The following GPHN variants were observed in gnomAD, a reference collection of about 807,000 sequenced individuals.
GPHN encodes the protein gephyrin.
Under a neutral mutation model 95.5 loss-of-function variants are expected in GPHN, and 17 were observed. That is an observed-to-expected ratio of 0.18 (90% CI 0.12 to 0.27). The LOEUF (loss-of-function observed/expected upper bound fraction) is 0.27. GPHN is among the 10% of genes least tolerant of loss of function. The probability of loss-of-function intolerance (pLI) is 1.00; values close to 1 mark genes in which losing one functional copy is unlikely to be tolerated. For synonymous variants in GPHN, 320 were observed against 322.5 expected (o/e 0.99, Z 0.08); for missense variants, 660 against 978.1 (o/e 0.67, Z 4.34).
At chr14:67,579,435 C>A in the GPHN span, 1 of 800,518 alleles carries the variant, frequency 1.2e-6, no homozygotes, top group Non-Finnish European at 1.9e-6. Flanking sequence ...ATATTATGAA[C>A]TCACTGCATG....
At chr14:67,401,852 G>T in the GPHN span, among the ~76,000 whole-genome samples, 1 of 152,148 alleles carries the variant, frequency 6.6e-6, no homozygotes, top group Non-Finnish European at 1.5e-5. Flanking sequence ...AGGCCGGCGC[G>T]GTGGCTCACG....
chr14:67,471,360 C>A, the GPHN span: 3 of 152,152 alleles, frequency 2.0e-5, no homozygotes, highest in African/African-American at 7.2e-5. Context: ...TAGGGGCCCA[C>A]ATGGAAGGCC....
chr14:67,096,230 G>A (rs1197845525), intron 12 of GPHN, among the ~76,000 whole-genome samples: 3 of 152,120 alleles, frequency 2.0e-5, no homozygotes, highest in Non-Finnish European at 4.4e-5. Context: ...TAGTGCAAGT[G>A]AGCACATATT....
chr14:67,467,224 T>C, the GPHN span: 2 of 152,198 alleles, frequency 1.3e-5, no homozygotes, highest in South Asian at 2.1e-4. Flanking sequence ...GCCTGGTCCT[T>C]GGCTCACTGC....
chr14:67,637,821 T>C, the GPHN span, among the ~76,000 whole-genome samples: 4 of 152,274 alleles, frequency 2.6e-5, no homozygotes, highest in African/African-American at 7.2e-5. Flanking sequence ...CACGGTGGCA[T>C]ACATTGCTAG....
At chr14:67,077,872 C>T (rs1420538881) in intron 11 of GPHN, among the ~76,000 whole-genome samples, 3 of 152,076 alleles carry the variant, frequency 2.0e-5, no homozygotes, top group Non-Finnish European at 2.9e-5. Context: ...CAGTCTTTTT[C>T]CACTCTTTCT....
At chr14:66,594,733 G>C (rs552895798) in intron 1 of GPHN, among the ~76,000 whole-genome samples, 1 of 152,232 alleles carries the variant, frequency 6.6e-6, no homozygotes, top group South Asian at 2.1e-4. Context: ...AATCATAGGA[G>C]AAAAGCTCTC....
chr14:67,577,232 G>T, the GPHN span: 2 of 929,166 alleles, frequency 2.2e-6, no homozygotes, highest in Non-Finnish European at 3.4e-6. Flanking sequence ...ATTAAAGATG[G>T]CGGTGAGTGG....
chr14:67,201,822 A>G, the GPHN span: 1 of 262,654 alleles, frequency 3.8e-6, no homozygotes, highest in African/African-American at 2.3e-5. Context: ...ATTATCATAC[A>G]GCTGAGAAAC....
At chr14:67,722,548 A>C in the GPHN span, 1 of 1,002,962 alleles carries the variant, frequency 1.0e-6, no homozygotes, top group Non-Finnish European at 1.6e-6. Flanking sequence ...CAGCAGAAGC[A>C]GCCAAGAGCT....
At chr14:67,500,942 G>A in the GPHN span, among the ~76,000 whole-genome samples, 10 of 151,714 alleles carry the variant, frequency 6.6e-5, no homozygotes, top group Non-Finnish European at 1.2e-4. Flanking sequence ...TGACTCAAAT[G>A]AGTAGCTGCA....
intron 17 of GPHN, among the ~76,000 whole-genome samples, chr14:67,136,442 A>G (rs748142687): frequency 5.3e-5 from 8 of 152,220 alleles, no homozygotes; most frequent in Non-Finnish European, 8.8e-5. Flanking sequence ...TTTAAAGGAT[A>G]GGGCAGTCTT....
At chr14:67,493,895 A>T in the GPHN span, among the ~76,000 whole-genome samples, 2 of 147,352 alleles carry the variant, frequency 1.4e-5, no homozygotes, top group African/African-American at 5.0e-5. Context: ...TTATTTATTT[A>T]AAAATAATTT....
At chr14:67,157,299 A>G (rs1269111794) in intron 18 of GPHN, among the ~76,000 whole-genome samples, 1 of 152,192 alleles carries the variant, frequency 6.6e-6, no homozygotes, top group Non-Finnish European at 1.5e-5. Context: ...TAGTTAATTC[A>G]TCAGGAATAT....
the GPHN span, chr14:67,578,439 G>C: frequency 1.0e-6 from 1 of 960,028 alleles, no homozygotes; most frequent in Middle Eastern, 2.5e-4. The surrounding 1 kb of genome is among the most constrained non-coding windows in gnomAD (Gnocchi z 5.0). Context: ...CTCTGGTTTG[G>C]GGAAAGAGTG....
the GPHN span, chr14:67,570,020 A>G: frequency 2.6e-6 from 4 of 1,545,412 alleles, no homozygotes; most frequent in Non-Finnish European, 2.7e-6. Flanking sequence ...GGGGTAAGAA[A>G]CTGCTGCACA....
rs75663756 is a variant in GPHN at position 66,847,028 on chromosome 14, C to A, written c.294+22462C>A. ...TTTCTGAACTATAAATTTATTTGTGCTCCCTATACTGATTTGTGCATTTAA... is the reference window on the plus strand; with the variant it reads ...TTTCTGAACTATAAATTTATTTGTGATCCCTATACTGATTTGTGCATTTAA... On this transcript the variant is annotated intron_variant, in intron 4 of 22. Coordinates refer to ENST00000478722, the MANE Select transcript of GPHN (RefSeq NM_020806.5). 6.7e-4 allele frequency among the ~76,000 whole-genome samples: 102 copies of A among 152,204 alleles called. 1 individual carries two copies. The East Asian group carries it at 0.018, about 27-fold the overall frequency.
chr14:67,329,590 T>C, the GPHN span, among the ~76,000 whole-genome samples: 3 of 152,178 alleles, frequency 2.0e-5, no homozygotes, highest in African/African-American at 7.2e-5. Context: ...TTTTTGTCCA[T>C]TCAGTATGAT....
At chr14:67,327,879 A>G in the GPHN span, among the ~76,000 whole-genome samples, 10 of 152,172 alleles carry the variant, frequency 6.6e-5, no homozygotes, top group Non-Finnish European at 1.3e-4. Flanking sequence ...TTCTTAATCC[A>G]GTCTATCATT....
Sources: allele counts gnomAD v4.1 joint callset (sites outside exome capture counted in the v4.1 genomes callset), GRCh38; gene constraint gnomAD v4.1.1; non-coding constraint Gnocchi (gnomAD v3.1); transcripts MANE v1.5; gene names NCBI Gene and HGNC (gene_info 2026-07-23, HGNC 2026-07-21).